The following TLN2 variants were observed in gnomAD, a reference collection of about 807,000 sequenced individuals.
TLN2 encodes talin 2.
Under a neutral mutation model 294.7 loss-of-function variants are expected in TLN2, and 118 were observed. That is an observed-to-expected ratio of 0.40 (90% confidence interval 0.34 to 0.47). The LOEUF is 0.47. Among genes scored for constraint, TLN2 ranks in the 20% least tolerant of loss-of-function variants. The pLI is 0.84. For missense variants in TLN2, 3,083 were observed against 3,282.2 expected (o/e 0.94, Z 1.48); for synonymous variants, 1,431 against 1,304.5 (o/e 1.10, Z -2.09).
intron 1 of TLN2, among the ~76,000 whole-genome samples, chr15:62,500,458 A>G (rs2039248610): frequency 6.6e-6 from 1 of 152,222 alleles, no homozygotes. Context: ...GTACATAGGC[A>G]TTGTGACTGG....
chr15:62,664,562 C>T (rs1296186711), intron 9 of TLN2, among the ~76,000 whole-genome samples: 1 of 151,910 alleles, frequency 6.6e-6, no homozygotes, highest in Middle Eastern at 3.2e-3. Context: ...TGGAAACTAA[C>T]TTCAAAAAAG....
At chr15:62,636,267 T>C (rs1372716663) in intron 3 of TLN2, among the ~76,000 whole-genome samples, 2 of 151,814 alleles carry the variant, frequency 1.3e-5, no homozygotes, top group Admixed American at 1.3e-4. Flanking sequence ...GATAGATAGA[T>C]AGATAGATAG....
chr15:62,683,445 T>A (rs900423464), intron 11 of TLN2, among the ~76,000 whole-genome samples: 2 of 149,082 alleles, frequency 1.3e-5, no homozygotes, highest in African/African-American at 2.5e-5. Flanking sequence ...CCGCCTCTCA[T>A]TGGTAGAATG....
chr15:62,813,406 A>C (rs754230101), intron 52 of TLN2, among the ~76,000 whole-genome samples: 6 of 152,204 alleles, frequency 3.9e-5, no homozygotes, highest in African/African-American at 9.6e-5. Flanking sequence ...TTGGTACTAA[A>C]ATGAAATCAC....
At chr15:62,575,756 T>A (rs533269194) in intron 1 of TLN2, among the ~76,000 whole-genome samples, 81 of 152,330 alleles carry the variant, frequency 5.3e-4, no homozygotes, top group African/African-American at 1.9e-3. Flanking sequence ...GATTTATCAG[T>A]GTTCAAGCTA....
intron 1 of TLN2, among the ~76,000 whole-genome samples, chr15:62,437,071 A>G (rs1489812977): frequency 1.3e-5 from 2 of 152,218 alleles, no homozygotes; most frequent in Admixed American, 1.3e-4. Flanking sequence ...CTAATATTTC[A>G]GTAGAATTCC....
Position 62,840,853 on chromosome 15 carries a change from CAGGAGAG to C in TLN2, c.*247_*253del. The C allele has an allele frequency of 2.1e-6, 1 of 482,786 alleles. No individual in the cohort carries two copies. Among genetic ancestry groups the C allele is most frequent in the Non-Finnish European group, 3.6e-6 (1 of 275,468 alleles). 29.9% of individuals were successfully genotyped at this position (482,786 alleles called of 1,614,324 possible). On this transcript the variant is annotated 3_prime_UTR_variant, in exon 59 of 59. Coordinates refer to ENST00000636159, the MANE Select transcript of TLN2 (RefSeq NM_015059.3). ...CCTCCCCTCATGCCTCACCGTGTCT[CAGGAGAG>C]AGGGGTGCACGTTTCATGGACTGTT...
At chr15:62,530,190 C>G (rs2040968609) in intron 1 of TLN2, among the ~76,000 whole-genome samples, 1 of 151,876 alleles carries the variant, frequency 6.6e-6, no homozygotes, top group African/African-American at 2.4e-5. Context: ...GACTCTGTCT[C>G]AAAAGATAAA....
intron 2 of TLN2, among the ~76,000 whole-genome samples, chr15:62,607,727 C>T (rs2047570151): frequency 3.3e-5 from 5 of 152,122 alleles, no homozygotes; most frequent in Admixed American, 3.3e-4. Flanking sequence ...TTCCCCACTT[C>T]CCCGCTCTTT....
chr15:62,422,177 C>G (rs997198187), intron 1 of TLN2, among the ~76,000 whole-genome samples: 1 of 137,576 alleles, frequency 7.3e-6, no homozygotes, highest in East Asian at 2.1e-4. Flanking sequence ...GGAGAATCAG[C>G]CATTGCACTC....
At chr15:62,503,633 T>C (rs1001354322) in intron 1 of TLN2, among the ~76,000 whole-genome samples, 1 of 152,250 alleles carries the variant, frequency 6.6e-6, no homozygotes, top group Non-Finnish European at 1.5e-5. Context: ...TGTCTGCCCT[T>C]GGCTGTGCTC....
Position 62,755,384 on chromosome 15 carries a change from G to A in TLN2, c.4477-148G>A, listed in dbSNP as rs919141708. Reference sequence around the variant, plus strand: ...ATTTCTTGCCCTCCTCTTTCTTGGAGTGACTTTGAGGGTCGCAGAACTAGA... The same window carrying A: ...ATTTCTTGCCCTCCTCTTTCTTGGAATGACTTTGAGGGTCGCAGAACTAGA... On this transcript the variant is annotated intron_variant, in intron 36 of 58. Transcript: ENST00000636159. The A allele has an allele frequency of 1.2e-5, 11 of 950,774 alleles. No individual in the cohort carries two copies. In the African/African-American group the frequency reaches 1.9e-4, roughly 16 times the overall value. The allele number at this position is 950,774 out of a possible 1,614,324, so 58.9% of individuals were successfully genotyped here. A position where few individuals can be genotyped will look rare whatever the true frequency, so the allele number is the denominator to read the frequency against.
intron 1 of TLN2, among the ~76,000 whole-genome samples, chr15:62,461,827 C>T (rs2140341903): frequency 6.6e-6 from 1 of 152,302 alleles, no homozygotes; most frequent in East Asian, 1.9e-4. Context: ...CAAGAGTGGC[C>T]TGGTGAGCGC....
chr15:62,745,868 T>C (rs1384373656), intron 32 of TLN2, among the ~76,000 whole-genome samples: 2 of 152,246 alleles, frequency 1.3e-5, no homozygotes, highest in African/African-American at 4.8e-5. Flanking sequence ...AAATTAGTTA[T>C]GGGAATTCGT....
At chr15:62,825,161 T>A (rs1596137527) in intron 54 of TLN2, among the ~76,000 whole-genome samples, 1 of 152,300 alleles carries the variant, frequency 6.6e-6, no homozygotes, top group Non-Finnish European at 1.5e-5. Context: ...TGTTGGCAGG[T>A]GCTCTGTCAG....
intron 48 of TLN2, among the ~76,000 whole-genome samples, chr15:62,799,750 G>A (rs1354711005): frequency 6.6e-6 from 1 of 152,230 alleles, no homozygotes; most frequent in East Asian, 1.9e-4. Flanking sequence ...GACAGTTTCA[G>A]CAATTGTGGG....
chr15:62,700,609 C>T (rs2058654891), intron 16 of TLN2, among the ~76,000 whole-genome samples: 1 of 152,192 alleles, frequency 6.6e-6, no homozygotes, highest in African/African-American at 2.4e-5. Flanking sequence ...TCTACATGAG[C>T]ATGGCCCTTA....
At chr15:62,811,308 A>G (rs939766139) in intron 52 of TLN2, among the ~76,000 whole-genome samples, 19 of 152,236 alleles carry the variant, frequency 1.2e-4, no homozygotes, top group African/African-American at 4.6e-4. Flanking sequence ...AGTGTATCAT[A>G]TGTAGGCCAA....
intron 33 of TLN2, among the ~76,000 whole-genome samples, chr15:62,749,169 G>A (rs2061782352): frequency 1.3e-5 from 2 of 152,198 alleles, no homozygotes; most frequent in Non-Finnish European, 2.9e-5. Context: ...TTTTCTGGAT[G>A]ATCAGCATGG....
Sources: allele counts gnomAD v4.1 joint callset (sites outside exome capture counted in the v4.1 genomes callset), GRCh38; gene constraint gnomAD v4.1.1; transcripts MANE v1.5; gene names NCBI Gene and HGNC (gene_info 2026-07-23, HGNC 2026-07-21).